Variants in ASTN2 observed in about 807,000 individuals in gnomAD.
ASTN2 encodes the protein astrotactin 2, also known as astrotactin-2.
ASTN2 carries 54 observed loss-of-function variants against 139.8 expected under a neutral mutation model. That is an observed-to-expected ratio of 0.39 (90% CI 0.31 to 0.48). ASTN2 has a LOEUF of 0.48. Ranked by LOEUF, ASTN2 falls within the 20% of genes least tolerant of loss-of-function variation. The pLI, the probability that ASTN2 is intolerant of heterozygous loss-of-function variation, is 0.95. For missense variants in ASTN2, 1,565 were observed against 1,725.1 expected, an observed-to-expected ratio of 0.91 and a Z score of 1.64; for synonymous variants, 756 against 719.5, an observed-to-expected ratio of 1.05 and a Z score of -0.81.
chr9:117,181,529 T>C (rs1831066758), intron 3 of ASTN2, among the ~76,000 whole-genome samples: 1 of 152,120 alleles, frequency 6.6e-6, no homozygotes, highest in African/African-American at 2.4e-5. Flanking sequence ...GAGTGAACAA[T>C]ACAAGACTCT....
At chr9:116,782,232 A>C (rs1220746920) in intron 13 of ASTN2, among the ~76,000 whole-genome samples, 1 of 152,190 alleles carries the variant, frequency 6.6e-6, no homozygotes, top group Admixed American at 6.5e-5. Flanking sequence ...AGTTTTATTA[A>C]AAAGCAAGAG....
intron 12 of ASTN2, among the ~76,000 whole-genome samples, 163 bp from the exon 13 acceptor site, chr9:116,805,983 A>T (rs1831020200): frequency 6.6e-6 from 1 of 152,246 alleles, no homozygotes; most frequent in Non-Finnish European, 1.5e-5. Flanking sequence ...TCTAGAGAGA[A>T]GCACATTAAT....
chr9:117,260,930 C>T (rs761465258), intron 2 of ASTN2, among the ~76,000 whole-genome samples: 8 of 152,164 alleles, frequency 5.3e-5, no homozygotes, highest in Non-Finnish European at 1.2e-4. Context: ...GTATGCTACA[C>T]AAATACTCCA....
At chr9:117,184,927 T>C (rs996298629) in intron 3 of ASTN2, among the ~76,000 whole-genome samples, 5 of 152,180 alleles carry the variant, frequency 3.3e-5, no homozygotes, top group Non-Finnish European at 7.3e-5. Flanking sequence ...TATTATTGCA[T>C]TTCATCCTGA....
chr9:117,406,074 C>T lies in ASTN2; in HGVS notation c.442+8423G>A, dbSNP rs573558729. On this transcript the variant is annotated intron_variant, in intron 1 of 22. Transcript: ENST00000313400. ...ATTCTGGGATGACACTTAGCAAACA[C>T]AGAGTTCTAGTTCTCTAAGATCTCC... Among the ~76,000 whole-genome samples, 10 of 152,286 alleles carry T rather than the reference C, an allele frequency of 6.6e-5. No individual in the cohort carries two copies. The South Asian group carries it at 2.1e-3, about 32-fold the overall frequency.
intron 16 of ASTN2, among the ~76,000 whole-genome samples, chr9:116,675,357 GGTCTGTAGCCCTATGGTGGGGT>G (rs1298614137): frequency 5.9e-5 from 9 of 152,080 alleles, no homozygotes; most frequent in Non-Finnish European, 1.2e-4. Flanking sequence ...TCTCCCAGCT[GGTCTGTAGCCCTATGGTGGGGT>G]GTCTGTAGCC....
intron 1 of ASTN2, among the ~76,000 whole-genome samples, chr9:117,341,843 C>G (rs1043099188): frequency 2.0e-5 from 3 of 152,092 alleles, no homozygotes; most frequent in Non-Finnish European, 2.9e-5. Flanking sequence ...TGCAAAATAC[C>G]AGCACACACT....
chr9:117,081,062 A>G (rs1451114859), intron 5 of ASTN2, among the ~76,000 whole-genome samples: 3 of 152,214 alleles, frequency 2.0e-5, no homozygotes, highest in Admixed American at 6.5e-5. Context: ...TAGAAAAGGC[A>G]TATGGCAAAT....
At chr9:116,441,256 C>G (rs1847831159) in intron 21 of ASTN2, among the ~76,000 whole-genome samples, 1 of 145,786 alleles carries the variant, frequency 6.9e-6, no homozygotes, top group Non-Finnish European at 1.6e-5. Context: ...CAAAGATAAT[C>G]CAAACTCTTC....
rs891972077 is a variant in ASTN2 at position 116,964,098 on chromosome 9, A to G, written c.1889+11110T>C. On this transcript the variant is annotated intron_variant, in intron 10 of 22. Coordinates refer to ENST00000313400, the MANE Select transcript of ASTN2 (RefSeq NM_001365068.1). ...AGCATGCCACCTGTTTCTTGCTGGGATCCTCTTTGATATTAGTCTTCTTGT... is the reference window on the plus strand; with the variant it reads ...AGCATGCCACCTGTTTCTTGCTGGGGTCCTCTTTGATATTAGTCTTCTTGT... Among the ~76,000 whole-genome samples the G allele has an allele frequency of 2.0e-5, 3 of 152,190 alleles. No individual in the cohort carries two copies. In the East Asian group the frequency reaches 5.8e-4, roughly 30 times the overall value.
chr9:116,442,317 T>C (rs781555039), intron 21 of ASTN2, 136 bp downstream of exon 21: 7 of 725,888 alleles, frequency 9.6e-6, no homozygotes, highest in African/African-American at 1.7e-5. Context: ...CCTGTTCCCT[T>C]AGTGCCTTCA....
intron 15 of ASTN2, among the ~76,000 whole-genome samples, chr9:116,728,175 C>T (rs1828681999): frequency 1.3e-5 from 2 of 152,050 alleles, no homozygotes; most frequent in Admixed American, 6.6e-5. Flanking sequence ...GCACCAACAA[C>T]GTGCTAATCT....
chr9:117,194,534 T>G (rs1831438648), intron 3 of ASTN2, among the ~76,000 whole-genome samples: 2 of 152,210 alleles, frequency 1.3e-5, no homozygotes, highest in Admixed American at 1.3e-4. Flanking sequence ...CGCACACACA[T>G]TCACACGTGA....
At chr9:117,345,474 T>C (rs1036588328) in intron 1 of ASTN2, among the ~76,000 whole-genome samples, 16 of 152,146 alleles carry the variant, frequency 1.1e-4, no homozygotes, top group African/African-American at 3.9e-4. Flanking sequence ...ATCCCTACCG[T>C]AATCCTGCAA....
At chr9:116,571,812 C>T (rs1000867500) in intron 19 of ASTN2, among the ~76,000 whole-genome samples, 8 of 151,872 alleles carry the variant, frequency 5.3e-5, no homozygotes, top group Non-Finnish European at 1.2e-4. Context: ...GTGTGCTTCC[C>T]GTGTGTGTGT....
chr9:116,644,449 A>C (rs1857493165), intron 17 of ASTN2, among the ~76,000 whole-genome samples: 1 of 152,144 alleles, frequency 6.6e-6, no homozygotes, highest in Non-Finnish European at 1.5e-5. Flanking sequence ...TTTTCTACAG[A>C]CAGCTGTGGG....
chr9:117,131,083 T>C (rs377436026), intron 4 of ASTN2, among the ~76,000 whole-genome samples: 48 of 152,374 alleles, frequency 3.2e-4, no homozygotes, highest in African/African-American at 1.1e-3. Context: ...AACTTCTAAC[T>C]ATGTATTTTG....
chr9:116,978,266 C>T (rs904610960), intron 7 of ASTN2, among the ~76,000 whole-genome samples: 1 of 152,086 alleles, frequency 6.6e-6, no homozygotes, highest in Admixed American at 6.6e-5. Flanking sequence ...TGGAACACCT[C>T]TAGGGAAATG....
intron 13 of ASTN2, among the ~76,000 whole-genome samples, chr9:116,753,233 C>T (rs1235071842): frequency 1.3e-5 from 2 of 152,162 alleles, no homozygotes; most frequent in African/African-American, 2.4e-5. Flanking sequence ...CACATTGCTA[C>T]AGGAAAGGAG....
Sources: gnomAD v4.1 joint callset for allele counts (sites outside exome capture counted in the v4.1 genomes callset) on GRCh38, gnomAD v4.1.1 for gene constraint, MANE v1.5 for transcripts, NCBI Gene and HGNC (gene_info 2026-07-23, HGNC 2026-07-21) for gene names.